CANX: variants seen among roughly 807,000 people sequenced by gnomAD.
CANX encodes calnexin, also known as epididymis secretory sperm binding protein.
CANX carries 14 observed loss-of-function variants against 75.7 expected under a neutral mutation model. The observed-to-expected ratio is 0.19, with a 90% confidence interval of 0.12 to 0.29. CANX has a LOEUF of 0.29. Among genes scored for constraint, CANX ranks in the 10% least tolerant of loss-of-function variants. CANX has a pLI of 1.00. For synonymous variants in CANX, 227 were observed against 236.9 expected, an observed-to-expected ratio of 0.96 and a Z score of 0.38; for missense variants, 567 against 713.2, an observed-to-expected ratio of 0.79 and a Z score of 2.34.
chr5:179,712,902 T>A (rs115154946), intron 7 of CANX, among the ~76,000 whole-genome samples: 3,066 of 142,520 alleles, frequency 0.022, 109 homozygotes, highest in African/African-American at 0.073. Context: ...TTTTCTTTTT[T>A]TTATTATTAT....
intron 10 of CANX, among the ~76,000 whole-genome samples, chr5:179,722,339 T>G (rs1174410229): frequency 2.6e-5 from 4 of 152,276 alleles, no homozygotes; most frequent in African/African-American, 9.6e-5. Context: ...ATTGTCACTT[T>G]TGCTTTCAGA....
At chr5:179,695,775 C>G (rs901389644), upstream of CANX, among the ~76,000 whole-genome samples, 1 of 151,878 alleles carries the variant, frequency 6.6e-6, no homozygotes, top group East Asian at 1.9e-4. Context: ...CTCAGCCTCC[C>G]GAGTAGCTGG....
chr5:179,698,953 C>G, upstream of CANX: 2 of 1,117,892 alleles, frequency 1.8e-6, no homozygotes, highest in Non-Finnish European at 2.2e-6. Context: ...TGCGGTGGGG[C>G]TCGCTCGCGC....
rs757623975 is a variant in CANX, at chr5:179,709,020, C to T, written c.489C>T (p.Ala163=). The change falls in exon 6 of 15, where the codon GCC becomes GCT. Residue 163 remains alanine (A), a synonymous_variant. Coordinates refer to ENST00000247461, the MANE Select transcript of CANX (RefSeq NM_001746.4). ...NFQNGIECGG[A]YVKLLSKTPE... ...AAAATGGAATAGAATGTGGTGGTGC[C>T]TATGTGAAACTGCTTTCTAAAACAC... The T allele has an allele frequency of 8.1e-6, 13 of 1,604,070 alleles. No individual in the cohort carries two copies. The highest frequency in any genetic ancestry group is 1.1e-5 in the Non-Finnish European group (13 of 1,170,908).
chr5:179,685,770 G>C (rs1285271418), intron 1 of CANX, among the ~76,000 whole-genome samples: 1 of 151,834 alleles, frequency 6.6e-6, no homozygotes, highest in Non-Finnish European at 1.5e-5. Context: ...GGCAAGGCTG[G>C]TCTCAAACTC....
upstream of CANX, among the ~76,000 whole-genome samples, chr5:179,697,029 C>T (rs1184812493): frequency 2.6e-5 from 4 of 152,168 alleles, no homozygotes; most frequent in Admixed American, 2.6e-4. Flanking sequence ...ACTGCACAAA[C>T]GATGCCCATG....
chr5:179,729,645 T>A lies in CANX; in HGVS notation c.*1001T>A, dbSNP rs1373707024. 1 of 152,680 alleles carries A rather than the reference T, an allele frequency of 6.5e-6. No individual in the cohort carries two copies. The highest frequency in any genetic ancestry group is 1.5e-5 in the Non-Finnish European group (1 of 68,056). The allele number at this position is 152,680 out of a possible 1,614,324, so 9.5% of individuals were successfully genotyped here. ...TGCATAATGTTAAGCTTTATTGTGA[T>A]TACGTGTATGTTTCTTCTTTCTTTT... On this transcript the variant is annotated 3_prime_UTR_variant, in exon 15 of 15. Transcript: ENST00000247461.
At chr5:179,683,979 A>T (rs1466411728) in intron 1 of CANX, among the ~76,000 whole-genome samples, 1 of 152,290 alleles carries the variant, frequency 6.6e-6, no homozygotes, top group East Asian at 1.9e-4. Context: ...TTGTTTTTCC[A>T]TTCAGCTGTT....
At chr5:179,718,528 T>A (rs992066187) in intron 8 of CANX, among the ~76,000 whole-genome samples, 1 of 150,072 alleles carries the variant, frequency 6.7e-6, no homozygotes, top group Admixed American at 6.6e-5. Flanking sequence ...TGGCTGTGCA[T>A]GTTTTTTCTT....
chr5:179,723,824 T>A, intron 12 of CANX, 45 bp downstream of exon 12: 1 of 1,508,698 alleles, frequency 6.6e-7, no homozygotes, highest in Non-Finnish European at 9.0e-7. Flanking sequence ...GACATCACTC[T>A]AGTGATTATT....
At position 179,706,190 on chromosome 5, in the gene CANX, T is replaced by C. The variant is rs1350327268; in HGVS notation, c.172-68T>C. ...GACAGTTGAAAGCAAACCAGGAGAA[T>C]AGATTCTAGATAAAAAGGCATGTTG... On this transcript the variant is annotated intron_variant, in intron 2 of 14. Transcript: ENST00000247461. 4 of 902,072 alleles carry C rather than the reference T, an allele frequency of 4.4e-6. No individual in the cohort carries two copies. In the Admixed American group the frequency reaches 8.2e-5, roughly 18 times the overall value. The allele number at this position is 902,072 out of a possible 1,614,324, so 55.9% of individuals were successfully genotyped here.
chr5:179,714,071 T>C (rs1777760047), intron 7 of CANX, among the ~76,000 whole-genome samples: 1 of 152,214 alleles, frequency 6.6e-6, no homozygotes, highest in African/African-American at 2.4e-5. Context: ...TGATCTCAGC[T>C]CACTGCAACT....
At chr5:179,716,483 C>T (rs542225965) in intron 8 of CANX, among the ~76,000 whole-genome samples, 189 bp downstream of exon 8, 7 of 152,254 alleles carry the variant, frequency 4.6e-5, no homozygotes, top group Non-Finnish European at 8.8e-5. Flanking sequence ...GATTGACTCA[C>T]CATTTTACAA....
At position 179,699,247 on chromosome 5, in the gene CANX, G is replaced by T. The variant is rs112694584; in HGVS notation, c.-4+145G>T. The T allele has an allele frequency of 6.3e-3, 2,594 of 412,526 alleles. 96 individuals carry two copies. The highest frequency in any genetic ancestry group is 0.053 in the African/African-American group (2,474 of 46,672). 25.6% of individuals were successfully genotyped at this position (412,526 alleles called of 1,614,324 possible). A position where few individuals can be genotyped will look rare whatever the true frequency, so the allele number is the denominator to read the frequency against. On this transcript the variant is annotated intron_variant, in intron 1 of 14. Transcript: ENST00000247461. ...GGCCCAGGCCCTGGCCGACGCGCCC[G>T]CCGTGAGCGAGGAGGCCCGAATCCG...
In CANX at chr5:179,705,672, T is replaced by C. The variant is rs548149615; in HGVS notation, c.-3-7T>C. ...TACATTTAACTGATTTTGCTCTTTATGTGTAGATCATGGAAGGGAAGTGGT... is the reference window on the plus strand; with the variant it reads ...TACATTTAACTGATTTTGCTCTTTACGTGTAGATCATGGAAGGGAAGTGGT... On this transcript the variant is annotated splice_region_variant and splice_polypyrimidine_tract_variant and intron_variant, in intron 1 of 14. Coordinates refer to ENST00000247461, the MANE Select transcript of CANX (RefSeq NM_001746.4). 32 of 1,609,528 alleles carry C rather than the reference T, an allele frequency of 2.0e-5. No individual in the cohort carries two copies. The South Asian group carries it at 3.0e-4, about 15-fold the overall frequency.
chr5:179,695,306 G>A (rs1021227327), upstream of CANX, among the ~76,000 whole-genome samples: 5 of 151,572 alleles, frequency 3.3e-5, no homozygotes, highest in Non-Finnish European at 7.4e-5. Context: ...TGATCCACCC[G>A]CCTCGGCTTC....
upstream of CANX, among the ~76,000 whole-genome samples, chr5:179,697,436 T>C (rs915575899): frequency 6.6e-6 from 1 of 152,214 alleles, no homozygotes; most frequent in African/African-American, 2.4e-5. Context: ...GAATTCTCCA[T>C]AGTACCACAG....
chr5:179,693,937 T>G (rs1040878818), upstream of CANX, among the ~76,000 whole-genome samples: 1 of 152,038 alleles, frequency 6.6e-6, no homozygotes, highest in Non-Finnish European at 1.5e-5. Context: ...CAGATTAGCA[T>G]GAGTATAGAG....
chr5:179,681,240 C>T (rs1776057535), intron 1 of CANX, among the ~76,000 whole-genome samples: 2 of 152,190 alleles, frequency 1.3e-5, no homozygotes, highest in Non-Finnish European at 2.9e-5. Context: ...TATTCCCTCA[C>T]TGAGCTGTCA....
Sources: allele counts gnomAD v4.1 joint callset (sites outside exome capture counted in the v4.1 genomes callset), GRCh38; gene constraint gnomAD v4.1.1; transcripts MANE v1.5; gene names NCBI Gene and HGNC (gene_info 2026-07-23, HGNC 2026-07-21).